MYH8: variants seen among roughly 807,000 people sequenced by gnomAD.
MYH8 encodes the protein myosin heavy chain 8.
A neutral mutation model predicts 233.2 loss-of-function variants in MYH8; 168 were observed. The ratio of observed to expected loss-of-function variants is 0.72; its 90% CI spans 0.64 to 0.82. The LOEUF (loss-of-function observed/expected upper bound fraction) is 0.82, where lower values mean the gene tolerates loss of function less well. MYH8 is among the 40% of genes least tolerant of loss of function. The probability of loss-of-function intolerance (pLI) is 0.00; values close to 1 mark genes in which losing one functional copy is unlikely to be tolerated. For synonymous variants in MYH8, 785 were observed against 850.6 expected, an observed-to-expected ratio of 0.92 and a Z score of 1.34; for missense variants, 1,995 against 2,327.8, an observed-to-expected ratio of 0.86 and a Z score of 2.94.
chr17:10,409,365 AG>A lies in MYH8; in HGVS notation c.1810del (p.Leu604Ter). 1.9e-6 allele frequency: 3 copies of A among 1,614,198 alleles called. No individual in the cohort carries two copies. Among genetic ancestry groups the A allele is most frequent in the South Asian group, 1.1e-5 (1 of 91,078 alleles). On this transcript the variant is annotated frameshift_variant, in exon 16 of 40. Coordinates refer to ENST00000403437, the MANE Select transcript of MYH8 (RefSeq NM_002472.3). LOFTEE classifies it high-confidence loss of function. The stretch of plus-strand genomic sequence containing the variant: ...GTACAGCCCAACCACAGTATCATTC[AG>A]GGGGTCCTTATTTTTGTCCAGCCAG... Reference protein sequence around the residue: ...TGWLDKNKDPLNDTVVGLYQK... With the variant: ...TGWLDKNKDPXNDTVVGLYQK...
chr17:10,401,643 C>G lies in MYH8; in HGVS notation c.2831G>C (p.Arg944Thr). The change falls in exon 23 of 40, where the codon AGA becomes ACA. Residue 944 changes from arginine to threonine, a missense_variant. Arg to Thr is a moderately conservative substitution (Grantham distance 71, BLOSUM62 -1). Transcript: ENST00000403437. ...TTCTGAACATTCATCCTCCAGTTTTCTCTTCTTGGCTGTCAGCTCAGCATT... is the reference window on the plus strand; with the variant it reads ...TTCTGAACATTCATCCTCCAGTTTTGTCTTCTTGGCTGTCAGCTCAGCATT... ...EINAELTAKK[R>T]KLEDECSELK... is the part of the protein sequence containing the mutation. 1 of 1,614,098 alleles carries G rather than the reference C, an allele frequency of 6.2e-7. No individual in the cohort carries two copies. The highest frequency in any genetic ancestry group is 8.5e-7 in the Non-Finnish European group (1 of 1,180,012).
At position 10,394,071 on chromosome 17, in the gene MYH8, C is replaced by G. The variant is rs79639152; in HGVS notation, c.5166+178G>C. On this transcript the variant is annotated intron_variant, in intron 35 of 39. Coordinates refer to ENST00000403437, the MANE Select transcript of MYH8 (RefSeq NM_002472.3). ...GAAACAGGAACACACACCAAAAAAACAAAAAAAAATCACCCATAATCCACC... is the reference window on the plus strand; with the variant it reads ...GAAACAGGAACACACACCAAAAAAAGAAAAAAAAATCACCCATAATCCACC... Among the ~76,000 whole-genome samples the G allele has an allele frequency of 0.093, 4,641 of 49,940 alleles. 265 individuals are homozygous for G. The highest frequency in any genetic ancestry group is 0.4 in the East Asian group (1,233 of 3,072). 32.8% of individuals were successfully genotyped at this position (49,940 alleles called of 152,430 possible).
intron 21 of MYH8, among the ~76,000 whole-genome samples, chr17:10,405,008 T>G (rs946948162): frequency 2.0e-5 from 3 of 152,158 alleles, no homozygotes; most frequent in African/African-American, 4.8e-5. Flanking sequence ...GGCATATGGA[T>G]GAGAACTGTG....
rs1370047465 is a variant in MYH8, at chr17:10,396,718, C to T, written c.4363G>A (p.Val1455Ile). Residue 1455 changes from valine to isoleucine, a missense_variant and splice_region_variant, in exon 32 of 40, where the codon GTC (valine) becomes ATC (isoleucine). By Grantham distance (29) the Val-to-Ile change is conservative (BLOSUM62 3). Around this residue, in one of 3 missense-constraint regions of MYH8, gnomAD observed 1,498 missense variants for 1,680.9 expected, o/e 0.89. Transcript: ENST00000403437. This position sits in a 1 kb window ranked among gnomAD's most constrained non-coding sequence, Gnocchi z 4.2. ...LDKKQRNFDK[V>I]LSEWKQKYEE... ...TACTTCTGCTTCCATTCTGATAGGA[C>T]CTGAAAAGCAATAAATCATGAGTTG... 6.2e-7 allele frequency: 1 copy of T among 1,614,132 alleles called. No homozygotes were observed. Among genetic ancestry groups the T allele is most frequent in the Admixed American group, 1.7e-5 (1 of 60,010 alleles).
At position 10,409,184 on chromosome 17, in the gene MYH8, C is replaced by A; in HGVS notation, c.1898-20G>T. ...TGCTATCTGAGGTAAAAAGAAAACC[C>A]GTGAATAAGAATAGAATACCAGAGG... is the stretch of plus-strand genomic sequence containing the variant. On this transcript the variant is annotated intron_variant, in intron 16 of 39. Transcript: ENST00000403437. 6.2e-7 allele frequency: 1 copy of A among 1,613,960 alleles called. No homozygotes were observed.
rs757073823 is a variant in MYH8 at position 10,409,326 on chromosome 17, A to G, written c.1850T>C (p.Met617Thr). 1.9e-6 allele frequency: 3 copies of G among 1,614,262 alleles called. No individual in the cohort carries two copies. Among genetic ancestry groups the G allele is most frequent in the African/African-American group, 1.3e-5 (1 of 75,064 alleles). ...TVVGLYQKSA[M>T]KTLASLFSTY... Reference sequence around the variant, plus strand: ...GGAAAAGAGACTGGCTAGAGTCTTCATTGCAGACTTCTGGTACAGCCCAAC... The same window carrying G: ...GGAAAAGAGACTGGCTAGAGTCTTCGTTGCAGACTTCTGGTACAGCCCAAC... Residue 617 changes from methionine (M) to threonine (T), a missense_variant, in exon 16 of 40, where the codon ATG (methionine) becomes ACG (threonine). Met to Thr is a moderately conservative substitution (Grantham distance 81, BLOSUM62 -1). This residue lies in a region of MYH8 where 1,498 missense variants were observed against 1,680.9 expected (regional missense o/e 0.89). Coordinates refer to ENST00000403437, the MANE Select transcript of MYH8 (RefSeq NM_002472.3).
intron 22 of MYH8, 73 bp from the exon 23 acceptor site, chr17:10,401,858 A>T: frequency 4.4e-6 from 7 of 1,586,662 alleles, no homozygotes; most frequent in Non-Finnish European, 6.0e-6. Flanking sequence ...TTGCGCAAAA[A>T]TAATAGTGTT....
At position 10,410,878 on chromosome 17, in the gene MYH8, T is replaced by A; in HGVS notation, c.1486A>T (p.Met496Leu). 6.2e-7 allele frequency: 1 copy of A among 1,613,852 alleles called. No individual in the cohort carries two copies. Among genetic ancestry groups the A allele is most frequent in the Non-Finnish European group, 8.5e-7 (1 of 1,179,956 alleles). Reference protein sequence around the residue: ...EKLQQFFNHHMFVLEQEEYKK... With the variant: ...EKLQQFFNHHLFVLEQEEYKK... The stretch of plus-strand genomic sequence containing the variant: ...TACTCCTCCTGCTCTAGCACAAACA[T>A]GTGGTGGTTGAAAAACTGTTGCAGT... The change falls in exon 15 of 40, where the codon ATG becomes TTG. Residue 496 changes from methionine (M) to leucine (L), a missense_variant. Met to Leu is a conservative substitution (Grantham distance 15). Coordinates refer to ENST00000403437, the MANE Select transcript of MYH8 (RefSeq NM_002472.3).
At chr17:10,393,245 G>T in intron 35 of MYH8, 35 bp from the exon 36 acceptor site, 1 of 1,613,904 alleles carries the variant, frequency 6.2e-7, no homozygotes, top group Non-Finnish European at 8.5e-7. Context: ...TACAAAATTT[G>T]CAGTTTGCCC....
rs766096663 is a variant in MYH8, at chr17:10,400,800, T to G, written c.3346-21A>C. Reference sequence around the variant, plus strand: ...CGGGCCTGGGAATGAAAGAAGCACATAAACATAAACTCATCTCAACTTCAG... The same window carrying G: ...CGGGCCTGGGAATGAAAGAAGCACAGAAACATAAACTCATCTCAACTTCAG... On this transcript the variant is annotated intron_variant, in intron 26 of 39. Coordinates refer to ENST00000403437, the MANE Select transcript of MYH8 (RefSeq NM_002472.3). This position sits in a 1 kb window ranked among gnomAD's most constrained non-coding sequence, Gnocchi z 4.0. The G allele has an allele frequency of 6.2e-7, 1 of 1,614,028 alleles. No individual in the cohort carries two copies. Among genetic ancestry groups the G allele is most frequent in the South Asian group, 1.1e-5 (1 of 91,088 alleles).
chr17:10,406,577 TCCTTCTAAC>T, intron 19 of MYH8, 104 bp downstream of exon 19: 1 of 1,347,446 alleles, frequency 7.4e-7, no homozygotes, highest in South Asian at 1.2e-5. Flanking sequence ...CTTCCTGTTA[TCCTTCTAAC>T]CTGTTGTATT....
In MYH8 at chr17:10,390,580, T is replaced by C. The variant is rs1418165207; in HGVS notation, c.5688A>G (p.Leu1896=). The part of the protein sequence containing the change: ...EEAEEQSNAN[L]SKFRKLQHEL... ...CATGCTGGAGTTTGCGGAATTTAGA[T>C]AGATTAGCATTGGATTGTTCCTCCT... is the stretch of plus-strand genomic sequence containing the variant. The change falls in exon 40 of 40, where the codon CTA becomes CTG. Residue 1896 remains leucine, a synonymous_variant. Coordinates refer to ENST00000403437, the MANE Select transcript of MYH8 (RefSeq NM_002472.3). 3 of 1,614,180 alleles carry C rather than the reference T, an allele frequency of 1.9e-6. No homozygotes were observed. The highest frequency in any genetic ancestry group is 2.2e-5 in the South Asian group (2 of 91,082).
At chr17:10,404,069 G>A (rs1214875475) in intron 22 of MYH8, among the ~76,000 whole-genome samples, 4 of 152,076 alleles carry the variant, frequency 2.6e-5, no homozygotes, top group African/African-American at 9.7e-5. Flanking sequence ...GAGACTTGGG[G>A]GATTGGCTTT....
chr17:10,408,512 A>G (rs974008719), intron 17 of MYH8, among the ~76,000 whole-genome samples: 3 of 152,228 alleles, frequency 2.0e-5, no homozygotes, highest in Admixed American at 6.5e-5. Flanking sequence ...TTATTAGTCC[A>G]TATATAAGAA....
chr17:10,404,438 C>T lies in MYH8; in HGVS notation c.2580G>A (p.Gln860=). ...KEMATMKEEF[Q]KTKDELAKSE... is the part of the protein sequence containing the mutation. ...ACTTGGCGAGTTCATCTTTGGTTTT[C>T]TGGAATTCTTCCTTCATGGTGGCCA... Residue 860 remains glutamine (Q), a synonymous_variant, in exon 22 of 40, where the codon CAG becomes CAA. Coordinates refer to ENST00000403437, the MANE Select transcript of MYH8 (RefSeq NM_002472.3). 1 of 1,613,864 alleles carries T rather than the reference C, an allele frequency of 6.2e-7. No homozygotes were observed. The highest frequency in any genetic ancestry group is 8.5e-7 in the Non-Finnish European group (1 of 1,179,940).
chr17:10,404,251 A>G, intron 22 of MYH8, 79 bp downstream of exon 22: 2 of 1,574,836 alleles, frequency 1.3e-6, no homozygotes, highest in South Asian at 1.1e-5. Flanking sequence ...TCAAGTAGAG[A>G]TCATTTGTAA....
intron 2 of MYH8, 96 bp from the exon 3 acceptor site, chr17:10,420,353 T>C: frequency 8.8e-7 from 1 of 1,137,234 alleles, no homozygotes; most frequent in Admixed American, 2.0e-5. Flanking sequence ...ACATAGCCTG[T>C]GCTGTAACTA....
rs1344875858 is a variant in MYH8 at position 10,396,334 on chromosome 17, G to C, written c.4649C>G (p.Ala1550Gly). 21 of 1,613,780 alleles carry C rather than the reference G, an allele frequency of 1.3e-5. No homozygotes were observed. Among genetic ancestry groups the C allele is most frequent in the Non-Finnish European group, 1.7e-5 (20 of 1,179,952 alleles). ...ATAATACAAGGTAATATGTACCTCT[G>C]CTTCCTCTAAAGCAGCCTGAATTTC... is the stretch of plus-strand genomic sequence containing the variant. ...KCEIQAALEE[A>G]EASLEHEEGK... is the part of the protein sequence containing the mutation. The change falls in exon 33 of 40, where the codon GCA becomes GGA. Residue 1550 changes from alanine to glycine, a missense_variant. By Grantham distance (60) the Ala-to-Gly change is moderately conservative. Around this residue, in one of 3 missense-constraint regions of MYH8, gnomAD observed 1,498 missense variants for 1,680.9 expected, o/e 0.89. Transcript: ENST00000403437. The surrounding 1 kb of genome is among the most constrained non-coding windows in gnomAD (Gnocchi z 4.2).
chr17:10,419,863 G>T lies in MYH8; in HGVS notation c.210+155C>A. 6.6e-6 allele frequency among the ~76,000 whole-genome samples: 1 copy of T among 152,174 alleles called. No individual in the cohort carries two copies. Among genetic ancestry groups the T allele is most frequent in the East Asian group, 1.9e-4 (1 of 5,202 alleles). On this transcript the variant is annotated intron_variant, in intron 3 of 39. Coordinates refer to ENST00000403437, the MANE Select transcript of MYH8 (RefSeq NM_002472.3). This position sits in a 1 kb window ranked among gnomAD's most constrained non-coding sequence, Gnocchi z 4.0. ...TGGGAAGGGAAGACATGAAGGTACT[G>T]CTGTGAATTTCTTTTGCCTTCCACA...
Sources: allele counts gnomAD v4.1 joint callset (sites outside exome capture counted in the v4.1 genomes callset), GRCh38; gene constraint gnomAD v4.1.1; regional missense constraint gnomAD v4.1.1; non-coding constraint Gnocchi (gnomAD v3.1); transcripts MANE v1.5; gene names NCBI Gene and HGNC (gene_info 2026-07-23, HGNC 2026-07-21).